The following PSMD13 variants were observed in gnomAD, a reference collection of about 807,000 sequenced individuals.
PSMD13 encodes the protein 26S proteasome non-ATPase regulatory subunit 13.
Under a neutral mutation model 57.4 loss-of-function variants are expected in PSMD13, and 8 were observed. The ratio of observed to expected loss-of-function variants is 0.14; its 90% confidence interval spans 0.08 to 0.25. PSMD13 has a LOEUF of 0.25. Ranked by LOEUF, PSMD13 falls within the 10% of genes least tolerant of loss-of-function variation. The pLI is 1.00. For synonymous variants in PSMD13, 193 were observed against 168.2 expected, an observed-to-expected ratio of 1.15 and a Z score of -1.14; for missense variants, 400 against 461.5, an observed-to-expected ratio of 0.87 and a Z score of 1.22.
intron 9 of PSMD13, 51 bp downstream of exon 9, chr11:249,108 C>T (rs373519370): frequency 6.4e-5 from 103 of 1,599,852 alleles, no homozygotes; most frequent in Non-Finnish European, 8.5e-5. Flanking sequence ...TCTACTCGCT[C>T]ATACAACAGA....
In PSMD13 at chr11:252,519, G is replaced by C. The variant is rs1443769473; in HGVS notation, c.1050G>C (p.Lys350Asn). 3 of 1,614,116 alleles carry C rather than the reference G, an allele frequency of 1.9e-6. No individual in the cohort carries two copies. Among genetic ancestry groups the C allele is most frequent in the Non-Finnish European group, 2.5e-6 (3 of 1,180,008 alleles). ...TTCCATTTCAGATCAAGGGAATGAA[G>C]GACCGCCTGGAGTTCTGGTGCACGG... The part of the protein sequence containing the change: ...VLDLQQIKGM[K>N]DRLEFWCTDV... Residue 350 changes from lysine to asparagine, a missense_variant, in exon 13 of 13, where the codon AAG becomes AAC. By Grantham distance (94) the Lys-to-Asn change is moderately conservative (BLOSUM62 0). Transcript: ENST00000532097. The surrounding 1 kb of genome is among the most constrained non-coding windows in gnomAD (Gnocchi z 4.1).
chr11:252,694 TTGGGTGGGGGTTGGGATCC>T lies in PSMD13; in HGVS notation c.*97_*115del. ...GCTGCTCAGACGGTCGACATTGAAT[TTGGGTGGGGGTTGGGATCC>T]TGTCTGAAGTACAGACTGTTCTTGC... On this transcript the variant is annotated 3_prime_UTR_variant, in exon 13 of 13. Coordinates refer to ENST00000532097, the MANE Select transcript of PSMD13 (RefSeq NM_002817.4). The surrounding 1 kb of genome is among the most constrained non-coding windows in gnomAD (Gnocchi z 4.1). 1.7e-6 allele frequency: 2 copies of T among 1,209,956 alleles called. No homozygotes were observed. The highest frequency in any genetic ancestry group is 4.8e-5 in the East Asian group (2 of 42,070). The allele number at this position is 1,209,956 out of a possible 1,614,324, so 75.0% of individuals were successfully genotyped here.
chr11:239,423 T>TTC (rs1301667728), intron 2 of PSMD13, among the ~76,000 whole-genome samples: 2 of 152,208 alleles, frequency 1.3e-5, no homozygotes, highest in Non-Finnish European at 2.9e-5. Flanking sequence ...GTTCATAGGC[T>TTC]TCTTTTTAGT....
At chr11:243,729 C>T (rs1859568950) in intron 2 of PSMD13, among the ~76,000 whole-genome samples, 2 of 152,234 alleles carry the variant, frequency 1.3e-5, no homozygotes, top group Non-Finnish European at 2.9e-5. Flanking sequence ...ATTTAGCTTA[C>T]AGTACCTGGA....
Position 250,841 on chromosome 11 carries a change from A to G in PSMD13, c.813A>G (p.Lys271=). Residue 271 remains lysine (K), a synonymous_variant, in exon 10 of 13, where the codon AAA becomes AAG. Transcript: ENST00000532097. The part of the protein sequence containing the change: ...LAANEAQLLR[K]IQLLCLMEMT... Reference sequence around the variant, plus strand: ...CTAATGAAGCCCAGCTTCTGAGGAAAATTCAGTTGTTGTGCCTCATGGAGG... The same window carrying G: ...CTAATGAAGCCCAGCTTCTGAGGAAGATTCAGTTGTTGTGCCTCATGGAGG... 6.2e-7 allele frequency: 1 copy of G among 1,614,012 alleles called. No individual in the cohort carries two copies. Among genetic ancestry groups the G allele is most frequent in the South Asian group, 1.1e-5 (1 of 91,084 alleles).
Position 251,031 on chromosome 11 carries a change from C to CT in PSMD13, c.837+168dup. 1 of 656,412 alleles carries CT rather than the reference C, an allele frequency of 1.5e-6. No homozygotes were observed. The highest frequency in any genetic ancestry group is 2.6e-5 in the Admixed American group (1 of 37,950). The allele number at this position is 656,412 out of a possible 1,614,324, so 40.7% of individuals were successfully genotyped here. On this transcript the variant is annotated intron_variant, in intron 10 of 12. Coordinates refer to ENST00000532097, the MANE Select transcript of PSMD13 (RefSeq NM_002817.4). This position sits in a 1 kb window ranked among gnomAD's most constrained non-coding sequence, Gnocchi z 4.6. Reference sequence around the variant, plus strand: ...TCCTTTTCCTTTGCTACCACTTGCTCTTCTAAGTTTATATTTGGCTCTTAG... The same window carrying CT: ...TCCTTTTCCTTTGCTACCACTTGCTCTTTCTAAGTTTATATTTGGCTCTTAG...
rs2948222 is a variant in PSMD13, at chr11:252,735, T to C, written c.*135T>C. 68,035 of 770,358 alleles carry C rather than the reference T, an allele frequency of 0.088. 8,933 individuals are homozygous for C. The highest frequency in any genetic ancestry group is 0.55 in the East Asian group (20,049 of 36,666). 47.7% of individuals were successfully genotyped at this position (770,358 alleles called of 1,614,324 possible). Reference sequence around the variant, plus strand: ...ATCCTGTCTGAAGTACAGACTGTTCTTGCTCTAAAAACAGGACTGTCCCTG... The same window carrying C: ...ATCCTGTCTGAAGTACAGACTGTTCCTGCTCTAAAAACAGGACTGTCCCTG... On this transcript the variant is annotated 3_prime_UTR_variant, in exon 13 of 13. Coordinates refer to ENST00000532097, the MANE Select transcript of PSMD13 (RefSeq NM_002817.4). The surrounding 1 kb of genome is among the most constrained non-coding windows in gnomAD (Gnocchi z 4.1).
intron 7 of PSMD13, among the ~76,000 whole-genome samples, chr11:248,363 C>T (rs910416228): frequency 2.0e-5 from 3 of 152,076 alleles, no homozygotes; most frequent in Non-Finnish European, 2.9e-5. Context: ...AAAAATATAT[C>T]GGAAAAGGAA....
chr11:247,910 A>G (rs1371694872), intron 7 of PSMD13: 2 of 153,344 alleles, frequency 1.3e-5, no homozygotes, highest in East Asian at 1.9e-4. Context: ...TGTAACCTTT[A>G]GTTTCTACAT....
intron 6 of PSMD13, among the ~76,000 whole-genome samples, chr11:245,641 CGTGTGTGTGTGTGTGTGTGTGT>C (rs4029226): frequency 4.1e-5 from 5 of 122,348 alleles, no homozygotes; most frequent in Non-Finnish European, 8.7e-5. Context: ...TGAACCAGAA[CGTGTGTGTGTGTGTGTGTGTGT>C]GTGTGTGTGT....
chr11:248,680 CA>C, intron 7 of PSMD13, 95 bp from the exon 8 acceptor site: 5 of 1,195,254 alleles, frequency 4.2e-6, no homozygotes, highest in Non-Finnish European at 6.2e-6. Flanking sequence ...CCATTACAAA[CA>C]ATGTTTTTTT....
rs560228181 is a variant in PSMD13 at position 237,275 on chromosome 11, G to A, written c.95+131G>A. 4.8e-6 allele frequency: 4 copies of A among 827,688 alleles called. No individual in the cohort carries two copies. The Admixed American group carries it at 1.2e-4, about 24-fold the overall frequency. The allele number at this position is 827,688 out of a possible 1,614,324, so 51.3% of individuals were successfully genotyped here. ...AGTTGGGGGGAAACGGGGACGTGTA[G>A]CGACCGGCTGTGCCGGCAAGGTTTG... is the stretch of plus-strand genomic sequence containing the variant. On this transcript the variant is annotated intron_variant, in intron 1 of 12. Coordinates refer to ENST00000532097, the MANE Select transcript of PSMD13 (RefSeq NM_002817.4).
rs1859757875 is a variant in PSMD13, at chr11:251,107, A to G, written c.837+242A>G. The stretch of plus-strand genomic sequence containing the variant: ...TGCCACCACCCTGAGGCCTTCCCTG[A>G]CCATCTGAACTGAGATGAAGTAGCT... On this transcript the variant is annotated intron_variant, in intron 10 of 12. Coordinates refer to ENST00000532097, the MANE Select transcript of PSMD13 (RefSeq NM_002817.4). This position sits in a 1 kb window ranked among gnomAD's most constrained non-coding sequence, Gnocchi z 4.6. 1.9e-6 allele frequency: 1 copy of G among 523,174 alleles called. No individual in the cohort carries two copies. 32.4% of individuals were successfully genotyped at this position (523,174 alleles called of 1,614,324 possible).
At chr11:237,305 G>A (rs1032238255) in intron 1 of PSMD13, among the ~76,000 whole-genome samples, 161 bp downstream of exon 1, 3 of 152,234 alleles carry the variant, frequency 2.0e-5, no homozygotes, top group Non-Finnish European at 4.4e-5. Flanking sequence ...GGTTTGCTGA[G>A]GAACCTTGAG....
At position 249,077 on chromosome 11, in the gene PSMD13, C is replaced by A; in HGVS notation, c.774+20C>A. On this transcript the variant is annotated intron_variant, in intron 9 of 12. Transcript: ENST00000532097. ...CAGCAGGTAGGACTCCCACGATGCC[C>A]AGCCCTTATTCCCCCATGTATCTAC... 1 of 1,608,670 alleles carries A rather than the reference C, an allele frequency of 6.2e-7. No homozygotes were observed.
rs769529463 is a variant in PSMD13, at chr11:251,917, G to A, written c.1016G>A (p.Arg339Gln). 5.0e-6 allele frequency: 8 copies of A among 1,613,678 alleles called. No homozygotes were observed. The highest frequency in any genetic ancestry group is 2.7e-5 in the African/African-American group (2 of 74,922). The change falls in exon 12 of 13, where the codon CGA becomes CAA. Residue 339 changes from arginine to glutamine, a missense_variant. Arg to Gln is a conservative substitution (Grantham distance 43, BLOSUM62 1). Coordinates refer to ENST00000532097, the MANE Select transcript of PSMD13 (RefSeq NM_002817.4). The surrounding 1 kb of genome is among the most constrained non-coding windows in gnomAD (Gnocchi z 4.6). ...KRVHMTWVQP[R>Q]VLDLQQIKGM... ...GTCCACATGACCTGGGTGCAGCCCC[G>A]AGTGTTGGATTTGCAACAGGTGATG...
rs750438219 is a variant in PSMD13, at chr11:244,247, G to T, written c.265+31G>T. 1.9e-5 allele frequency: 31 copies of T among 1,599,430 alleles called. 1 individual carries two copies. The highest frequency in any genetic ancestry group is 2.0e-5 in the Non-Finnish European group (24 of 1,176,370). On this transcript the variant is annotated intron_variant, in intron 4 of 12. Transcript: ENST00000532097. ...TCTCACTTTGTTTTATAAAGGAGCA[G>T]ATCCAAATGGTGGTTAAAATTGAAA...
intron 5 of PSMD13, 42 bp from the exon 6 acceptor site, chr11:244,633 C>T: frequency 1.3e-6 from 2 of 1,573,452 alleles, no homozygotes; most frequent in Non-Finnish European, 1.7e-6. Context: ...TAGTCAACTG[C>T]CCACATTCTG....
rs1191406258 is a variant in PSMD13, at chr11:251,914, C to T, written c.1013C>T (p.Pro338Leu). The change falls in exon 12 of 13, where the codon CCC becomes CTC. Residue 338 changes from proline to leucine, a missense_variant. Coordinates refer to ENST00000532097, the MANE Select transcript of PSMD13 (RefSeq NM_002817.4). This position sits in a 1 kb window ranked among gnomAD's most constrained non-coding sequence, Gnocchi z 4.6. ...CGAGTCCACATGACCTGGGTGCAGC[C>T]CCGAGTGTTGGATTTGCAACAGGTG... ...DKRVHMTWVQ[P>L]RVLDLQQIKG... The T allele has an allele frequency of 6.2e-7, 1 of 1,613,854 alleles. No homozygotes were observed. The highest frequency in any genetic ancestry group is 2.2e-5 in the East Asian group (1 of 44,874).
Sources: allele counts gnomAD v4.1 joint callset (sites outside exome capture counted in the v4.1 genomes callset), GRCh38; gene constraint gnomAD v4.1.1; non-coding constraint Gnocchi (gnomAD v3.1); transcripts MANE v1.5; gene names NCBI Gene and HGNC (gene_info 2026-07-23, HGNC 2026-07-21).